Variants in GRID2 observed in about 807,000 individuals in gnomAD.
The protein encoded by GRID2 is glutamate ionotropic receptor delta type subunit 2, also known as glutamate receptor ionotropic, delta-2.
A neutral mutation model predicts 114.8 loss-of-function variants in GRID2; 33 were observed. The ratio of observed to expected loss-of-function variants is 0.29; its 90% confidence interval spans 0.22 to 0.38. GRID2 has a LOEUF of 0.38. Among genes scored for constraint, GRID2 ranks in the 10% least tolerant of loss-of-function variants. The pLI, the probability that GRID2 is intolerant of heterozygous loss-of-function variation, is 1.00. For missense variants in GRID2, 1,184 were observed against 1,257.7 expected (o/e 0.94, Z 0.89); for synonymous variants, 505 against 449.9 (o/e 1.12, Z -1.55).
intron 2 of GRID2, among the ~76,000 whole-genome samples, chr4:92,940,643 G>T (rs1490612091): frequency 6.6e-6 from 1 of 152,032 alleles, no homozygotes; most frequent in Non-Finnish European, 1.5e-5. Context: ...CCTGTCTTGT[G>T]CCAGTTTTCA....
At position 92,807,820 on chromosome 4, in the gene GRID2, T is replaced by A. The variant is rs548677195; in HGVS notation, c.244+217534T>A. 2.1e-4 allele frequency among the ~76,000 whole-genome samples: 32 copies of A among 152,136 alleles called. 1 individual carries two copies. In the South Asian group the frequency reaches 6.4e-3, roughly 31 times the overall value. On this transcript the variant is annotated intron_variant, in intron 2 of 15. Coordinates refer to ENST00000282020, the MANE Select transcript of GRID2 (RefSeq NM_001510.4). The stretch of plus-strand genomic sequence containing the variant: ...CCACATGTTTATGTGTGTGTGCATG[T>A]GTGCGTATGTGTCTGTCTATGTATT...
At chr4:92,434,536 A>G (rs1181439002) in intron 1 of GRID2, among the ~76,000 whole-genome samples, 3 of 152,162 alleles carry the variant, frequency 2.0e-5, no homozygotes, top group Non-Finnish European at 4.4e-5. Flanking sequence ...GGTGTCATAT[A>G]TTTAGGTCAA....
At chr4:93,374,118 C>T (rs1763169482) in intron 8 of GRID2, among the ~76,000 whole-genome samples, 1 of 152,128 alleles carries the variant, frequency 6.6e-6, no homozygotes, top group Admixed American at 6.5e-5. Context: ...GTCATTATAA[C>T]TCCAACAGAT....
intron 1 of GRID2, among the ~76,000 whole-genome samples, chr4:92,408,448 T>G (rs1731135774): frequency 1.5e-5 from 2 of 131,248 alleles, no homozygotes; most frequent in Non-Finnish European, 3.3e-5. Context: ...TTTTTTTTTT[T>G]TTTTTTTTTT....
At chr4:93,805,967 T>G (rs551857525) in intron 1 of GRID2, among the ~76,000 whole-genome samples, 8 of 152,166 alleles carry the variant, frequency 5.3e-5, no homozygotes, top group Admixed American at 3.9e-4. Flanking sequence ...TGTGGTGGCA[T>G]GTGCCTGTGG....
intron 2 of GRID2, among the ~76,000 whole-genome samples, chr4:92,982,362 T>C (rs1424305894): frequency 1.3e-5 from 2 of 152,110 alleles, no homozygotes; most frequent in African/African-American, 4.8e-5. Flanking sequence ...ATTTTAGATT[T>C]AAAAAGTTGA....
chr4:92,843,136 G>T (rs948361262), intron 2 of GRID2, among the ~76,000 whole-genome samples: 6 of 152,036 alleles, frequency 3.9e-5, no homozygotes, highest in African/African-American at 1.4e-4. Flanking sequence ...CCAGCTACTT[G>T]GAAGCTGAGG....
At chr4:92,618,828 T>G (rs543128582) in intron 2 of GRID2, among the ~76,000 whole-genome samples, 1 of 151,846 alleles carries the variant, frequency 6.6e-6, no homozygotes, top group South Asian at 2.1e-4. Context: ...ATTTTTCAGG[T>G]AATTTATTGT....
intron 1 of GRID2, among the ~76,000 whole-genome samples, chr4:92,443,266 G>A (rs1216962442): frequency 1.3e-5 from 2 of 152,184 alleles, no homozygotes; most frequent in Non-Finnish European, 2.9e-5. Context: ...AAAATTCAAA[G>A]TGCCATTTTC....
intron 2 of GRID2, among the ~76,000 whole-genome samples, chr4:93,029,705 T>G (rs992900444): frequency 2.0e-5 from 3 of 152,130 alleles, no homozygotes; most frequent in Non-Finnish European, 4.4e-5. Context: ...AGCATCAGGT[T>G]TTTTTTAATA....
At chr4:92,410,835 ATT>A (rs5860274) in intron 1 of GRID2, among the ~76,000 whole-genome samples, 196 of 117,846 alleles carry the variant, frequency 1.7e-3, no homozygotes, top group African/African-American at 5.4e-3. Context: ...CTGCAAAAGC[ATT>A]TTTTTTTTTT....
At chr4:93,376,013 T>A (rs1579871587) in intron 8 of GRID2, among the ~76,000 whole-genome samples, 1 of 152,086 alleles carries the variant, frequency 6.6e-6, no homozygotes, top group East Asian at 1.9e-4. Context: ...CCTAACATGG[T>A]CTTCTTTGCA....
rs1757186437 is a variant in GRID2, at chr4:93,321,296, CT to C, written c.1246-74307del. On this transcript the variant is annotated intron_variant, in intron 8 of 15. Coordinates refer to ENST00000282020, the MANE Select transcript of GRID2 (RefSeq NM_001510.4). ...CTGGTAAACATACAGGATGCATTTG[CT>C]TTTAAATGTATTTCCCTAATTATAA... Among the ~76,000 whole-genome samples the C allele has an allele frequency of 2.6e-5, 4 of 152,046 alleles. 1 individual carries two copies. In the South Asian group the frequency reaches 8.3e-4, roughly 32 times the overall value.
intron 2 of GRID2, among the ~76,000 whole-genome samples, chr4:92,736,931 T>C (rs1490802119): frequency 1.3e-5 from 2 of 152,104 alleles, no homozygotes; most frequent in Non-Finnish European, 2.9e-5. Context: ...TGCTGAGAGA[T>C]GGTTGCTTGG....
chr4:92,821,616 A>G (rs1417375476), intron 2 of GRID2, among the ~76,000 whole-genome samples: 2 of 152,196 alleles, frequency 1.3e-5, no homozygotes, highest in African/African-American at 4.8e-5. Flanking sequence ...TTAATGTAAT[A>G]CAAGAAAACC....
chr4:93,122,890 G>GTTTTTTTTTT lies in GRID2; in HGVS notation c.735+11950_735+11959dup, dbSNP rs886185779. 4.4e-3 allele frequency among the ~76,000 whole-genome samples: 310 copies of GTTTTTTTTTT among 69,702 alleles called. 10 individuals carry two copies. Among genetic ancestry groups the GTTTTTTTTTT allele is most frequent in the African/African-American group, 5.1e-3 (82 of 16,142 alleles). The allele number at this position is 69,702 out of a possible 152,430, so 45.7% of individuals were successfully genotyped here. On this transcript the variant is annotated intron_variant, in intron 4 of 15. Coordinates refer to ENST00000282020, the MANE Select transcript of GRID2 (RefSeq NM_001510.4). ...GTTACTAGTCAATCCACAGATGTGGGTTTTTTTTTTTTTTTTTTTTTTGAT... is the reference window on the plus strand; with the variant it reads ...GTTACTAGTCAATCCACAGATGTGGGTTTTTTTTTTTTTTTTTTTTTTTTTTTTTTTTGAT...
intron 4 of GRID2, among the ~76,000 whole-genome samples, chr4:93,162,597 CATT>C (rs1737790360): frequency 6.6e-6 from 1 of 151,844 alleles, no homozygotes; most frequent in Non-Finnish European, 1.5e-5. Flanking sequence ...CATAATTTAT[CATT>C]ATACAACTGG....
chr4:92,787,708 A>G (rs1226941923), intron 2 of GRID2, among the ~76,000 whole-genome samples: 1 of 151,956 alleles, frequency 6.6e-6, no homozygotes, highest in Non-Finnish European at 1.5e-5. Flanking sequence ...TACATTCTAG[A>G]AGAGTCCTTC....
At chr4:93,494,107 C>A (rs541042575) in intron 12 of GRID2, among the ~76,000 whole-genome samples, 1 of 151,914 alleles carries the variant, frequency 6.6e-6, no homozygotes, top group Admixed American at 6.6e-5. Flanking sequence ...GCCAAAGTTT[C>A]TTGGGAAAAT....
Sources: gnomAD v4.1 joint callset for allele counts (sites outside exome capture counted in the v4.1 genomes callset) on GRCh38, gnomAD v4.1.1 for gene constraint, MANE v1.5 for transcripts, NCBI Gene and HGNC (gene_info 2026-07-23, HGNC 2026-07-21) for gene names.